DTNA: variants seen among roughly 807,000 people sequenced by gnomAD.
DTNA encodes dystrophin-related protein 3.
DTNA carries 43 observed loss-of-function variants against 100.7 expected under a neutral mutation model. The observed-to-expected ratio is 0.43, with a 90% CI of 0.33 to 0.55. The LOEUF is 0.55. Among genes scored for constraint, DTNA ranks in the 20% least tolerant of loss-of-function variants. The pLI, the probability that DTNA is intolerant of heterozygous loss-of-function variation, is 0.04. For missense variants in DTNA, 798 were observed against 953.9 expected (o/e 0.84, Z 2.15); for synonymous variants, 349 against 347.9 (o/e 1.00, Z -0.04).
chr18:34,769,725 C>CTGTTTTTTTTTTTTTTTTTTTTTT (rs2093663858), intron 3 of DTNA, among the ~76,000 whole-genome samples: 1 of 53,872 alleles, frequency 1.9e-5, no homozygotes, highest in Non-Finnish European at 4.1e-5. Context: ...CCCTCTGGGG[C>CTGTTTTTTTTTTTTTTTTTTTTTT]TTTTTTTTTT....
chr18:34,648,965 C>T (rs1020308830), intron 1 of DTNA, among the ~76,000 whole-genome samples: 2 of 152,152 alleles, frequency 1.3e-5, no homozygotes, highest in African/African-American at 4.8e-5. Context: ...TGTTGGTTCT[C>T]ATTTTTCAAT....
chr18:34,760,719 C>T (rs1258770208), intron 2 of DTNA, among the ~76,000 whole-genome samples: 1 of 152,184 alleles, frequency 6.6e-6, no homozygotes. Context: ...GAGAGCACTC[C>T]TGTTCCCAAG....
At chr18:34,530,586 A>G (rs574777078) in intron 1 of DTNA, among the ~76,000 whole-genome samples, 11 of 152,198 alleles carry the variant, frequency 7.2e-5, no homozygotes, top group South Asian at 6.2e-4. Context: ...TAATAATTCT[A>G]TACTACCACT....
At chr18:34,575,066 G>A (rs1035443556) in intron 1 of DTNA, among the ~76,000 whole-genome samples, 9 of 152,198 alleles carry the variant, frequency 5.9e-5, no homozygotes, top group African/African-American at 2.2e-4. Context: ...CGGCTCCTCA[G>A]AGGCATAGCT....
intron 17 of DTNA, among the ~76,000 whole-genome samples, chr18:34,872,680 A>G (rs2096777168): frequency 6.6e-6 from 1 of 152,200 alleles, no homozygotes; most frequent in Non-Finnish European, 1.5e-5. Context: ...GAGCACCCAT[A>G]CATCTTTTCC....
chr18:34,828,789 T>A (rs529871553), intron 10 of DTNA, among the ~76,000 whole-genome samples: 17 of 152,294 alleles, frequency 1.1e-4, no homozygotes, highest in Non-Finnish European at 1.9e-4. Context: ...AGTAAAATAA[T>A]ATGGTTTAGG....
intron 1 of DTNA, among the ~76,000 whole-genome samples, chr18:34,660,792 G>C (rs1568147075): frequency 6.6e-6 from 1 of 152,130 alleles, no homozygotes; most frequent in South Asian, 2.1e-4. Flanking sequence ...GAAATTGTTT[G>C]AATCTACCTA....
chr18:34,532,214 T>G (rs2043207589), intron 1 of DTNA, among the ~76,000 whole-genome samples: 1 of 152,110 alleles, frequency 6.6e-6, no homozygotes, highest in African/African-American at 2.4e-5. Flanking sequence ...AAAGATGACA[T>G]AAGTTAATTC....
At chr18:34,771,965 T>TG (rs2093797586) in intron 3 of DTNA, among the ~76,000 whole-genome samples, 1 of 151,730 alleles carries the variant, frequency 6.6e-6, no homozygotes, top group African/African-American at 2.4e-5. Flanking sequence ...ATCTTTTTTT[T>TG]TTTCAGAAAT....
intron 1 of DTNA, among the ~76,000 whole-genome samples, chr18:34,585,885 T>G (rs1288087378): frequency 6.6e-6 from 1 of 152,178 alleles, no homozygotes; most frequent in Non-Finnish European, 1.5e-5. Context: ...AATATGTGCA[T>G]GAATTTTTAT....
chr18:34,705,574 A>G (rs1002603755), upstream of DTNA, among the ~76,000 whole-genome samples: 5 of 152,220 alleles, frequency 3.3e-5, no homozygotes, highest in African/African-American at 1.2e-4. Context: ...TAAGCCTCAG[A>G]TTCCTCATAA....
At chr18:34,534,833 A>G (rs1386560605) in intron 1 of DTNA, among the ~76,000 whole-genome samples, 1 of 151,906 alleles carries the variant, frequency 6.6e-6, no homozygotes, top group Non-Finnish European at 1.5e-5. Context: ...TATTCTTTTT[A>G]ATGGCTGCAT....
chr18:34,714,395 C>A (rs1422248391), intron 1 of DTNA, among the ~76,000 whole-genome samples: 39 of 146,406 alleles, frequency 2.7e-4, no homozygotes, highest in African/African-American at 1.0e-3. Flanking sequence ...AGAAAAAAAA[C>A]AAACAACCCC....
At chr18:34,531,005 G>A (rs2043088921) in intron 1 of DTNA, among the ~76,000 whole-genome samples, 1 of 152,116 alleles carries the variant, frequency 6.6e-6, no homozygotes, top group African/African-American at 2.4e-5. Flanking sequence ...TTTCTGTGCA[G>A]TCATAGAATA....
At chr18:34,574,559 C>CA (rs1401117277) in intron 1 of DTNA, 3 of 152,386 alleles carry the variant, frequency 2.0e-5, no homozygotes, top group Non-Finnish European at 4.4e-5. Flanking sequence ...CCAGGAACTT[C>CA]ACACACTCAC....
chr18:34,627,970 G>T (rs954595908), intron 1 of DTNA, among the ~76,000 whole-genome samples: 3 of 152,016 alleles, frequency 2.0e-5, no homozygotes, highest in African/African-American at 7.2e-5. Context: ...TGTTGTTGGG[G>T]GGTAGAGATG....
rs201811945 is a variant in DTNA, at chr18:34,726,316, TC to T, written c.-2+15876del. The stretch of plus-strand genomic sequence containing the variant: ...TCCAAATCTATCATTCTTCCCCTGG[TC>T]CCCCGAATTTCATGTCTTTCTCACA... On this transcript the variant is annotated intron_variant, in intron 1 of 22. Transcript: ENST00000444659. 7.4e-3 allele frequency among the ~76,000 whole-genome samples: 1,128 copies of T among 152,168 alleles called. 14 individuals carry two copies. Among genetic ancestry groups the T allele is most frequent in the African/African-American group, 0.025 (1,052 of 41,490 alleles).
At chr18:34,647,523 T>C (rs2059985355) in intron 1 of DTNA, among the ~76,000 whole-genome samples, 1 of 152,148 alleles carries the variant, frequency 6.6e-6, no homozygotes, top group Non-Finnish European at 1.5e-5. Context: ...CAAAGGAGTC[T>C]GGGAAATGTA....
At chr18:34,575,526 G>A (rs188066330) in intron 1 of DTNA, among the ~76,000 whole-genome samples, 2 of 151,616 alleles carry the variant, frequency 1.3e-5, no homozygotes, top group Admixed American at 6.6e-5. Flanking sequence ...TTCCAAACAT[G>A]GTCTTGAAAT....
Sources: allele counts gnomAD v4.1 joint callset (sites outside exome capture counted in the v4.1 genomes callset), GRCh38; gene constraint gnomAD v4.1.1; transcripts MANE v1.5; gene names NCBI Gene and HGNC (gene_info 2026-07-23, HGNC 2026-07-21).